Variants in ACAN observed in about 807,000 individuals in gnomAD.
The protein encoded by ACAN is aggrecan.
In ACAN, 47 loss-of-function variants were observed where a neutral mutation model predicts 169.1. That is an observed-to-expected ratio of 0.28 (90% confidence interval 0.22 to 0.35). The LOEUF (loss-of-function observed/expected upper bound fraction) is 0.35. ACAN is among the 10% of genes least tolerant of loss of function. The probability of loss-of-function intolerance (pLI) is 1.00; values close to 1 mark genes in which losing one functional copy is unlikely to be tolerated. For synonymous variants in ACAN, 1,115 were observed against 1,112.2 expected (o/e 1.00, Z -0.05); for missense variants, 2,716 against 2,759.9 (o/e 0.98, Z 0.36).
chr15:88,847,749 T>TAGCA (rs1175861680), intron 8 of ACAN, among the ~76,000 whole-genome samples, 162 bp from the exon 9 acceptor site: 1 of 152,116 alleles, frequency 6.6e-6, no homozygotes, highest in Non-Finnish European at 1.5e-5. Flanking sequence ...CCCAGGCTGC[T>TAGCA]CAGAGAACTT....
At chr15:88,820,379 T>C (rs1007810947) in intron 1 of ACAN, among the ~76,000 whole-genome samples, 15 of 152,256 alleles carry the variant, frequency 9.9e-5, no homozygotes, top group Admixed American at 9.8e-4. Context: ...GTGAGGACTG[T>C]AGTTTCTCCC....
Position 88,857,792 on chromosome 15 carries a change from G to C in ACAN, c.5207G>C (p.Ser1736Thr). Residue 1736 changes from serine (S) to threonine (T), a missense_variant, in exon 12 of 19, where the codon AGT becomes ACT. Physicochemically the swap from Ser to Thr is moderately conservative, Grantham distance 58. Coordinates refer to ENST00000560601, the MANE Select transcript of ACAN (RefSeq NM_001369268.1). ...SGEIPGLFGVSGQPSGFPDTS... is the reference protein window; with the variant it reads ...SGEIPGLFGVTGQPSGFPDTS... ...GAAATACCTGGACTCTTTGGTGTCA[G>C]TGGACAGCCATCAGGGTTTCCTGAC... is the stretch of plus-strand genomic sequence containing the variant. 1.9e-6 allele frequency: 3 copies of C among 1,613,988 alleles called. No homozygotes were observed. In the South Asian group the frequency reaches 3.3e-5, roughly 18 times the overall value.
At position 88,838,578 on chromosome 15, in the gene ACAN, C is replaced by T; in HGVS notation, c.71-85C>T. On this transcript the variant is annotated intron_variant, in intron 2 of 18. Coordinates refer to ENST00000560601, the MANE Select transcript of ACAN (RefSeq NM_001369268.1). This position sits in a 1 kb window ranked among gnomAD's most constrained non-coding sequence, Gnocchi z 5.1. ...CGGATTTCGCTCTCTCAGGAGAGTG[C>T]ATTGCTGGAAGGATGGATGGGGAGG... is the stretch of plus-strand genomic sequence containing the variant. 1 of 1,452,836 alleles carries T rather than the reference C, an allele frequency of 6.9e-7. No individual in the cohort carries two copies. Among genetic ancestry groups the T allele is most frequent in the Non-Finnish European group, 9.3e-7 (1 of 1,072,110 alleles). The allele number at this position is 1,452,836 out of a possible 1,614,324, so 90.0% of individuals were successfully genotyped here. A position where few individuals can be genotyped will look rare whatever the true frequency, so the allele number is the denominator to read the frequency against.
At position 88,849,495 on chromosome 15, in the gene ACAN, T is replaced by A. The variant is rs1314202727; in HGVS notation, c.1790T>A (p.Phe597Tyr). 6.2e-7 allele frequency: 1 copy of A among 1,607,830 alleles called. No homozygotes were observed. The highest frequency in any genetic ancestry group is 1.3e-5 in the African/African-American group (1 of 74,928). Residue 597 changes from phenylalanine (F) to tyrosine (Y), a missense_variant, in exon 10 of 19, where the codon TTC becomes TAC. Transcript: ENST00000560601. The surrounding 1 kb of genome is among the most constrained non-coding windows in gnomAD (Gnocchi z 5.1). ...TTCACCTTCCAGGAAGCACTGGAGTTCTGTGAATCTCACAATGCTACGCTG... is the reference window on the plus strand; with the variant it reads ...TTCACCTTCCAGGAAGCACTGGAGTACTGTGAATCTCACAATGCTACGCTG... ...EQFTFQEALE[F>Y]CESHNATLAT...
intron 10 of ACAN, chr15:88,850,992 G>C (rs1366399805): frequency 3.3e-5 from 5 of 150,388 alleles, no homozygotes; most frequent in African/African-American, 9.8e-5. Flanking sequence ...AATAAGTCAA[G>C]TCCAATTCTC....
chr15:88,825,174 G>A (rs1193128115), intron 1 of ACAN, among the ~76,000 whole-genome samples: 1 of 152,152 alleles, frequency 6.6e-6, no homozygotes, highest in Non-Finnish European at 1.5e-5. Flanking sequence ...GGCCTCACAG[G>A]CCCTGGGAAG....
rs1896094172 is a variant in ACAN at position 88,822,199 on chromosome 15, G to A, written c.-7-14001G>A. Among the ~76,000 whole-genome samples the A allele has an allele frequency of 2.0e-5, 3 of 152,148 alleles. No individual in the cohort carries two copies. In the South Asian group the frequency reaches 6.2e-4, roughly 32 times the overall value. ...ACCGTACATCACACCATTAGCCTAG[G>A]CCATCCAGCATGGCCCAAGCCTCCC... On this transcript the variant is annotated intron_variant, in intron 1 of 18. Coordinates refer to ENST00000560601, the MANE Select transcript of ACAN (RefSeq NM_001369268.1).
chr15:88,830,344 C>T (rs142344013), intron 1 of ACAN, among the ~76,000 whole-genome samples: 4 of 152,268 alleles, frequency 2.6e-5, no homozygotes, highest in Non-Finnish European at 4.4e-5. Flanking sequence ...AACAGGGATG[C>T]GTTCTGAGAA....
At position 88,843,653 on chromosome 15, in the gene ACAN, G is replaced by T. The variant is rs1896723306; in HGVS notation, c.1051+5G>T. 6.4e-7 allele frequency: 1 copy of T among 1,561,910 alleles called. No homozygotes were observed. Among genetic ancestry groups the T allele is most frequent in the Admixed American group, 1.7e-5 (1 of 57,440 alleles). Reference sequence around the variant, plus strand: ...ACGACGCCATCTGCTACACAGGTGGGGCACGGCTGGTGGTGGGAAGGGAGT... The same window carrying T: ...ACGACGCCATCTGCTACACAGGTGGTGCACGGCTGGTGGTGGGAAGGGAGT... On this transcript the variant is annotated splice_donor_5th_base_variant and intron_variant, in intron 6 of 18. Coordinates refer to ENST00000560601, the MANE Select transcript of ACAN (RefSeq NM_001369268.1). This position sits in a 1 kb window ranked among gnomAD's most constrained non-coding sequence, Gnocchi z 4.0.
chr15:88,859,405 T>A lies in ACAN; in HGVS notation c.6820T>A (p.Ser2274Thr). ...TCCGGAATGGAAACGTGAATCAGAA[T>A]CAACTGCTGCAGGTATTGTGATTTT... The part of the protein sequence containing the change: ...ASPEWKRESE[S>T]TAAAPARSCA... The change falls in exon 12 of 19, where the codon TCA becomes ACA. Residue 2274 changes from serine to threonine, a missense_variant. Ser to Thr is a moderately conservative substitution (Grantham distance 58). Coordinates refer to ENST00000560601, the MANE Select transcript of ACAN (RefSeq NM_001369268.1). 1 of 1,557,040 alleles carries A rather than the reference T, an allele frequency of 6.4e-7. No individual in the cohort carries two copies. The highest frequency in any genetic ancestry group is 8.7e-7 in the Non-Finnish European group (1 of 1,150,070).
At chr15:88,853,334 G>T (rs1483761558) in intron 11 of ACAN, among the ~76,000 whole-genome samples, 1 of 151,536 alleles carries the variant, frequency 6.6e-6, no homozygotes, top group Non-Finnish European at 1.5e-5. Context: ...AAGTTGACTT[G>T]CTTTAAAAAA....
chr15:88,863,281 C>T (rs144251328), intron 13 of ACAN, among the ~76,000 whole-genome samples: 35 of 152,246 alleles, frequency 2.3e-4, no homozygotes, highest in African/African-American at 8.4e-4. Flanking sequence ...AAAACAGCAG[C>T]GTCTTTCCCC....
chr15:88,844,454 A>C (rs933813661), intron 6 of ACAN, among the ~76,000 whole-genome samples: 14 of 151,398 alleles, frequency 9.2e-5, no homozygotes, highest in African/African-American at 2.2e-4. Flanking sequence ...GCTCATTGCA[A>C]CCTCCATCTC....
chr15:88,838,981 T>A lies in ACAN; in HGVS notation c.389T>A (p.Val130Asp). Residue 130 changes from valine (V) to aspartate (D), a missense_variant, in exon 3 of 19, where the codon GTC becomes GAC. Coordinates refer to ENST00000560601, the MANE Select transcript of ACAN (RefSeq NM_001369268.1). This position sits in a 1 kb window ranked among gnomAD's most constrained non-coding sequence, Gnocchi z 5.1. ...VQSLRSNDSG[V>D]YRCEVMHGIE... ...AGCCTGCGCTCCAATGACTCTGGGG[T>A]CTACCGCTGCGAGGTGATGCATGGC... 1 of 1,612,742 alleles carries A rather than the reference T, an allele frequency of 6.2e-7. No individual in the cohort carries two copies. Among genetic ancestry groups the A allele is most frequent in the Non-Finnish European group, 8.5e-7 (1 of 1,179,880 alleles).
At chr15:88,819,460 A>G (rs1395296629) in intron 1 of ACAN, among the ~76,000 whole-genome samples, 1 of 152,120 alleles carries the variant, frequency 6.6e-6, no homozygotes, top group African/African-American at 2.4e-5. Flanking sequence ...TGAATCCATG[A>G]TTTAAATGAA....
Position 88,873,804 on chromosome 15 carries a change from C to CA in ACAN, c.7448-38_7448-37insA, listed in dbSNP as rs763345653. The CA allele has an allele frequency of 7.5e-6, 12 of 1,601,236 alleles. No homozygotes were observed. The highest frequency in any genetic ancestry group is 1.0e-5 in the Non-Finnish European group (12 of 1,171,746). On this transcript the variant is annotated intron_variant, in intron 17 of 18. Transcript: ENST00000560601. This position sits in a 1 kb window ranked among gnomAD's most constrained non-coding sequence, Gnocchi z 7.5. ...AACCAGCATAGGTCATCCCAGGAGA[C>CA]CCTATGAGACCCTTTATAAAGGGTG...
At chr15:88,820,352 G>A (rs897325593) in intron 1 of ACAN, among the ~76,000 whole-genome samples, 1 of 152,046 alleles carries the variant, frequency 6.6e-6, no homozygotes, top group Admixed American at 6.5e-5. Flanking sequence ...TGGAGGAAGG[G>A]CCCACCACCA....
rs574585567 is a variant in ACAN at position 88,869,729 on chromosome 15, G to A, written c.7060+1400G>A. 9.9e-5 allele frequency among the ~76,000 whole-genome samples: 15 copies of A among 152,202 alleles called. No individual in the cohort carries two copies. The highest frequency in any genetic ancestry group is 2.1e-4 in the South Asian group (1 of 4,816). On this transcript the variant is annotated intron_variant, in intron 14 of 18. Transcript: ENST00000560601. The surrounding 1 kb of genome is among the most constrained non-coding windows in gnomAD (Gnocchi z 4.2). ...AGATGGTGACAGAGCCACCCAGCTCGGCCCTGGGCCTGGGGGCCCAGCTAA... is the reference window on the plus strand; with the variant it reads ...AGATGGTGACAGAGCCACCCAGCTCAGCCCTGGGCCTGGGGGCCCAGCTAA...
chr15:88,854,716 G>A, intron 11 of ACAN, 136 bp from the exon 12 acceptor site: 1 of 908,900 alleles, frequency 1.1e-6, no homozygotes, highest in Non-Finnish European at 1.5e-6. Flanking sequence ...CCATTAGAAA[G>A]CATTTGGACA....
Sources: allele counts gnomAD v4.1 joint callset (sites outside exome capture counted in the v4.1 genomes callset), GRCh38; gene constraint gnomAD v4.1.1; non-coding constraint Gnocchi (gnomAD v3.1); transcripts MANE v1.5; gene names NCBI Gene and HGNC (gene_info 2026-07-23, HGNC 2026-07-21).